Variants in KIAA0753 observed in about 807,000 individuals in gnomAD.
KIAA0753 encodes protein moonraker.
Under a neutral mutation model 116.9 loss-of-function variants are expected in KIAA0753, and 114 were observed. The ratio of observed to expected loss-of-function variants is 0.98; its 90% CI spans 0.84 to 1.14. The LOEUF (loss-of-function observed/expected upper bound fraction) is 1.14, where lower values mean the gene tolerates loss of function less well. Among genes scored for constraint, KIAA0753 ranks in the 50% most tolerant of loss-of-function variants. KIAA0753 has a pLI of 0.00. For synonymous variants in KIAA0753, 405 were observed against 413.1 expected, an observed-to-expected ratio of 0.98 and a Z score of 0.24; for missense variants, 1,156 against 1,172.4, an observed-to-expected ratio of 0.99 and a Z score of 0.20.
intron 16 of KIAA0753, among the ~76,000 whole-genome samples, chr17:6,590,879 G>A (rs1968945948): frequency 6.6e-6 from 1 of 152,112 alleles, no homozygotes; most frequent in African/African-American, 2.4e-5. Context: ...TTCTTAAGGA[G>A]GTCTATGAAA....
Position 6,611,943 on chromosome 17 carries a change from A to G in KIAA0753, c.1521T>C (p.Asp507=). Residue 507 remains aspartate, a synonymous_variant, in exon 8 of 19, where the codon GAT becomes GAC. Transcript: ENST00000361413. ...VTENVPFRKK[D]TLAPARQQGL... ...CTTGCTGTCTTGCTGGCGCCAGAGT[A>G]TCTTTCTTCCTAAACGGCACATTCT... is the stretch of plus-strand genomic sequence containing the variant. 1 of 1,614,032 alleles carries G rather than the reference A, an allele frequency of 6.2e-7. No individual in the cohort carries two copies. Among genetic ancestry groups the G allele is most frequent in the Non-Finnish European group, 8.5e-7 (1 of 1,179,982 alleles).
chr17:6,591,040 G>GGAAGAAGGAAGAAGGAGGAAGAAGAAGAA (rs1567540520), intron 16 of KIAA0753, among the ~76,000 whole-genome samples: 4 of 100,058 alleles, frequency 4.0e-5, no homozygotes, highest in African/African-American at 1.5e-4. Context: ...GAAGGAAGAA[G>GGAAGAAGGAAGAAGGAGGAAGAAGAAGAA]GAAGAAGAAG....
chr17:6,614,143 A>G (rs1284856903), intron 7 of KIAA0753, among the ~76,000 whole-genome samples: 2 of 152,246 alleles, frequency 1.3e-5, no homozygotes, highest in Non-Finnish European at 1.5e-5. Context: ...ATGAGATATC[A>G]TTTTAAATCC....
chr17:6,637,560 A>G (rs1972412369), intron 1 of KIAA0753: 1 of 152,726 alleles, frequency 6.5e-6, no homozygotes, highest in African/African-American at 2.4e-5. Flanking sequence ...GGCCAGAGAC[A>G]TGCTCAAAGA....
At chr17:6,589,566 A>G (rs1968834412) in intron 18 of KIAA0753, among the ~76,000 whole-genome samples, 1 of 152,144 alleles carries the variant, frequency 6.6e-6, no homozygotes, top group African/African-American at 2.4e-5. Flanking sequence ...AGAAGGCTGC[A>G]GAGCACCCCT....
Position 6,582,926 on chromosome 17 carries a change from T to G in KIAA0753, c.2787-3062A>C, listed in dbSNP as rs6502961. Among the ~76,000 whole-genome samples, 4 of 152,236 alleles carry G rather than the reference T, an allele frequency of 2.6e-5. No homozygotes were observed. The East Asian group carries it at 7.7e-4, about 29-fold the overall frequency. ...CTATTGTTACTGTATATTTTAAACG[T>G]GTGAGTACACATACACACGCATCCA... On this transcript the variant is annotated intron_variant, in intron 18 of 18. Coordinates refer to ENST00000361413, the MANE Select transcript of KIAA0753 (RefSeq NM_014804.3).
At position 6,589,940 on chromosome 17, in the gene KIAA0753, G is replaced by A. The variant is rs554404362; in HGVS notation, c.2625C>T (p.Ser875=). The part of the protein sequence containing the change: ...GSEKREAPLL[S]LAEDSQQKEG... ...CTTTCTGTTGAGAATCTTCGGCTAGGGAGAGAAGAGGGGCCTCTCTTTTCT... is the reference window on the plus strand; with the variant it reads ...CTTTCTGTTGAGAATCTTCGGCTAGAGAGAGAAGAGGGGCCTCTCTTTTCT... Residue 875 remains serine (S), a synonymous_variant, in exon 18 of 19, where the codon TCC becomes TCT. Transcript: ENST00000361413. The A allele has an allele frequency of 5.0e-6, 8 of 1,610,268 alleles. No homozygotes were observed. The East Asian group carries it at 1.6e-4, about 31-fold the overall frequency.
intron 12 of KIAA0753, chr17:6,601,171 G>A (rs1384671562): frequency 2.6e-5 from 4 of 152,378 alleles, no homozygotes; most frequent in African/African-American, 9.7e-5. Context: ...AGCTGGGAGG[G>A]GGTGGTTTAA....
intron 8 of KIAA0753, among the ~76,000 whole-genome samples, chr17:6,610,517 T>TC (rs386385545): frequency 7.7e-5 from 2 of 26,078 alleles, no homozygotes; most frequent in African/African-American, 3.2e-4. Context: ...TTTCTTTCTC[T>TC]TTTTTTTTTT....
At position 6,579,127 on chromosome 17, in the gene KIAA0753, GGAATGGAACGTT is replaced by G. The variant is rs1184401177; in HGVS notation, c.*608_*619del. On this transcript the variant is annotated 3_prime_UTR_variant, in exon 19 of 19. Coordinates refer to ENST00000361413, the MANE Select transcript of KIAA0753 (RefSeq NM_014804.3). ...GAACTAAAAATGTGAAAATCACCTA[GGAATGGAACGTT>G]GAAGAAATGTGTGTCTATTATTGTG... 6.6e-6 allele frequency: 1 copy of G among 152,216 alleles called. No individual in the cohort carries two copies. Among genetic ancestry groups the G allele is most frequent in the Non-Finnish European group, 1.5e-5 (1 of 68,038 alleles). 9.4% of individuals were successfully genotyped at this position (152,216 alleles called of 1,614,324 possible).
intron 14 of KIAA0753, 30 bp downstream of exon 14, chr17:6,599,207 A>G: frequency 1.3e-6 from 2 of 1,500,514 alleles, no homozygotes; most frequent in Non-Finnish European, 1.9e-6. Flanking sequence ...AAGCAATAAT[A>G]CCAGAATGCC....
chr17:6,621,070 A>T (rs1971292324), intron 6 of KIAA0753, 72 bp from the exon 7 acceptor site: 3 of 1,383,312 alleles, frequency 2.2e-6, no homozygotes, highest in Non-Finnish European at 3.0e-6. Context: ...CAAAACTGAA[A>T]ATAAGGACTC....
At position 6,596,305 on chromosome 17, in the gene KIAA0753, C is replaced by T; in HGVS notation, c.2211G>A (p.Gln737=). 6.2e-7 allele frequency: 1 copy of T among 1,602,204 alleles called. No individual in the cohort carries two copies. The highest frequency in any genetic ancestry group is 8.5e-7 in the Non-Finnish European group (1 of 1,173,718). ...CACAATCTTCCAAAAAATCATCAAG[C>T]TGACGAATGTTGTTGGATTCAAAAT... ...AVDFESNNIR[Q]LDDFLEDCAS... Residue 737 remains glutamine (Q), a synonymous_variant, in exon 15 of 19, where the codon CAG becomes CAA. Coordinates refer to ENST00000361413, the MANE Select transcript of KIAA0753 (RefSeq NM_014804.3).
chr17:6,627,647 C>A (rs1459893311), intron 3 of KIAA0753, among the ~76,000 whole-genome samples: 1 of 152,206 alleles, frequency 6.6e-6, no homozygotes, highest in East Asian at 1.9e-4. Context: ...TACACATATA[C>A]CCACAACTTC....
At chr17:6,637,579 T>G (rs1446954707) in intron 1 of KIAA0753, 1 of 152,078 alleles carries the variant, frequency 6.6e-6, no homozygotes, top group Non-Finnish European at 1.5e-5. Flanking sequence ...GATGGTCCCC[T>G]CCCCCACAGA....
rs1229465596 is a variant in KIAA0753, at chr17:6,589,831, T to A, written c.2734A>T (p.Ile912Phe). The A allele has an allele frequency of 6.2e-7, 1 of 1,613,950 alleles. No homozygotes were observed. Among genetic ancestry groups the A allele is most frequent in the African/African-American group, 1.3e-5 (1 of 74,922 alleles). Residue 912 changes from isoleucine (I) to phenylalanine (F), a missense_variant, in exon 18 of 19, where the codon ATC (isoleucine) becomes TTC (phenylalanine). By Grantham distance (21) the Ile-to-Phe change is conservative. Transcript: ENST00000361413. The part of the protein sequence containing the change: ...YCSRFEQYLR[I>F]ISHEAVGSFN... ...GAGCCTACAGCCTCATGAGATATGA[T>A]CCGAAGGTACTGCTCAAAACGACTA...
At chr17:6,610,520 T>TC (rs1970470213) in intron 8 of KIAA0753, among the ~76,000 whole-genome samples, 2 of 143,926 alleles carry the variant, frequency 1.4e-5, no homozygotes, top group Admixed American at 6.9e-5. Flanking sequence ...CTTTCTCTTT[T>TC]TTTTTTTTTT....
chr17:6,590,538 T>A lies in KIAA0753; in HGVS notation c.2533A>T (p.Ile845Phe), dbSNP rs760591697. The part of the protein sequence containing the change: ...TVDRKDPAVN[I>F]MLERPCNGNS... ...CCATTACAGGGCCTTTCTAACATGA[T>A]GTTCACGGCTGGATCCTTGCGATCC... The change falls in exon 17 of 19, where the codon ATC becomes TTC. Residue 845 changes from isoleucine to phenylalanine, a missense_variant. Coordinates refer to ENST00000361413, the MANE Select transcript of KIAA0753 (RefSeq NM_014804.3). The A allele has an allele frequency of 6.2e-7, 1 of 1,614,100 alleles. No homozygotes were observed. The highest frequency in any genetic ancestry group is 8.5e-7 in the Non-Finnish European group (1 of 1,179,950).
At chr17:6,606,835 C>A (rs755293485) in intron 12 of KIAA0753, 38 bp downstream of exon 12, 1 of 1,551,738 alleles carries the variant, frequency 6.4e-7, no homozygotes, top group South Asian at 1.1e-5. Flanking sequence ...TTAGAACAGG[C>A]AAACATCCAC....
Sources: gnomAD v4.1 joint callset for allele counts (sites outside exome capture counted in the v4.1 genomes callset) on GRCh38, gnomAD v4.1.1 for gene constraint, MANE v1.5 for transcripts, NCBI Gene and HGNC (gene_info 2026-07-23, HGNC 2026-07-21) for gene names.